The following LRRTM3 variants were observed in gnomAD, a reference collection of about 807,000 sequenced individuals.
LRRTM3 encodes leucine rich repeat transmembrane neuronal 3, also known as leucine-rich repeat transmembrane neuronal protein 3.
A neutral mutation model predicts 44.7 loss-of-function variants in LRRTM3; 24 were observed. The observed-to-expected ratio is 0.54, with a 90% CI of 0.39 to 0.76. The LOEUF (loss-of-function observed/expected upper bound fraction) is 0.76, where lower values mean the gene tolerates loss of function less well. Among genes scored for constraint, LRRTM3 ranks in the 30% least tolerant of loss-of-function variants. The pLI, the probability that LRRTM3 is intolerant of heterozygous loss-of-function variation, is 0.00. For missense variants in LRRTM3, 587 were observed against 702.2 expected, an observed-to-expected ratio of 0.84 and a Z score of 1.85; for synonymous variants, 277 against 278.7, an observed-to-expected ratio of 0.99 and a Z score of 0.06.
At chr10:67,079,596 TC>T (rs1429850518) in intron 2 of LRRTM3, among the ~76,000 whole-genome samples, 2 of 152,084 alleles carry the variant, frequency 1.3e-5, no homozygotes, top group Non-Finnish European at 2.9e-5. Context: ...ATGCCTGTAA[TC>T]CCAGCATGTT....
chr10:67,051,801 C>A (rs1402208526), intron 2 of LRRTM3, among the ~76,000 whole-genome samples: 1 of 151,068 alleles, frequency 6.6e-6, no homozygotes, highest in Non-Finnish European at 1.5e-5. Context: ...CTCTCCCAGG[C>A]TGGAGTGCAG....
intron 1 of LRRTM3, 84 bp from the exon 2 acceptor site, chr10:66,926,837 T>A (rs960372075): frequency 8.1e-7 from 1 of 1,236,468 alleles, no homozygotes; most frequent in East Asian, 2.6e-5. Context: ...TTTTTAAAAA[T>A]GAAAAATATA....
chr10:67,000,329 T>C (rs1398337202), intron 2 of LRRTM3, among the ~76,000 whole-genome samples: 1 of 152,202 alleles, frequency 6.6e-6, no homozygotes, highest in African/African-American at 2.4e-5. Flanking sequence ...GCCCTTACTC[T>C]TGCTGACCCA....
chr10:66,995,071 T>C (rs1851254853), intron 2 of LRRTM3, among the ~76,000 whole-genome samples: 1 of 152,174 alleles, frequency 6.6e-6, no homozygotes, highest in African/African-American at 2.4e-5. Context: ...TAGCCCAAGA[T>C]GTGTCAGTTG....
Position 67,003,119 on chromosome 10 carries a change from T to C in LRRTM3, c.1536+74667T>C, listed in dbSNP as rs533181732. Among the ~76,000 whole-genome samples, 13 of 152,320 alleles carry C rather than the reference T, an allele frequency of 8.5e-5. No homozygotes were observed. In the South Asian group the frequency reaches 1.5e-3, roughly 17 times the overall value. ...AACATAATTACAATGCCCCTTTCCA[T>C]TGAAATAATCTATGCATCCCGCCAC... is the stretch of plus-strand genomic sequence containing the variant. On this transcript the variant is annotated intron_variant, in intron 2 of 2. Transcript: ENST00000361320.
chr10:67,077,549 C>T (rs1009551692), intron 2 of LRRTM3, among the ~76,000 whole-genome samples: 2 of 152,086 alleles, frequency 1.3e-5, no homozygotes, highest in African/African-American at 2.4e-5. Flanking sequence ...AAGCATGCTT[C>T]CTCCCACTTT....
At chr10:66,997,568 A>G (rs1414242774) in intron 2 of LRRTM3, among the ~76,000 whole-genome samples, 1 of 152,154 alleles carries the variant, frequency 6.6e-6, no homozygotes, top group African/African-American at 2.4e-5. Flanking sequence ...ATATGTATTC[A>G]TGTAACTAAA....
At chr10:66,931,192 TAAAA>T in intron 2 of LRRTM3, among the ~76,000 whole-genome samples, 1 of 118,674 alleles carries the variant, frequency 8.4e-6, no homozygotes, top group African/African-American at 3.2e-5. Flanking sequence ...TGACAACAGT[TAAAA>T]AAAAAAAAAA....
chr10:67,024,938 C>A lies in LRRTM3; in HGVS notation c.1537-72649C>A, dbSNP rs529896500. 4.4e-4 allele frequency among the ~76,000 whole-genome samples: 67 copies of A among 152,068 alleles called. 1 individual carries two copies. The highest frequency in any genetic ancestry group is 1.5e-3 in the African/African-American group (62 of 41,470). ...CTGAGGTCCGGAGTTTGAGACCAGC[C>A]TGACCAACAAGAAGACACCCTGTCT... On this transcript the variant is annotated intron_variant, in intron 2 of 2. Coordinates refer to ENST00000361320, the MANE Select transcript of LRRTM3 (RefSeq NM_178011.5).
At chr10:67,021,055 T>C (rs1037751259) in intron 2 of LRRTM3, among the ~76,000 whole-genome samples, 5 of 152,182 alleles carry the variant, frequency 3.3e-5, no homozygotes, top group East Asian at 1.9e-4. Context: ...CTTCTCTTTG[T>C]TTCATTTTTG....
At chr10:66,977,343 G>A (rs1440061746) in intron 2 of LRRTM3, among the ~76,000 whole-genome samples, 1 of 151,954 alleles carries the variant, frequency 6.6e-6, no homozygotes, top group African/African-American at 2.4e-5. Flanking sequence ...GGCTGAGGCA[G>A]GAGGATTGCT....
chr10:67,009,198 C>T (rs1390859094), intron 2 of LRRTM3, among the ~76,000 whole-genome samples: 2 of 151,942 alleles, frequency 1.3e-5, no homozygotes, highest in East Asian at 3.9e-4. Flanking sequence ...AGGAATTTAT[C>T]TTCTACTATT....
chr10:67,033,201 G>A (rs1853839812), intron 2 of LRRTM3, among the ~76,000 whole-genome samples: 1 of 152,090 alleles, frequency 6.6e-6, no homozygotes. Context: ...TGAATTTTGA[G>A]CTATTTTGAA....
At chr10:66,993,120 C>A (rs1851131317) in intron 2 of LRRTM3, among the ~76,000 whole-genome samples, 1 of 152,108 alleles carries the variant, frequency 6.6e-6, no homozygotes, top group South Asian at 2.1e-4. Flanking sequence ...TAGCCTCATT[C>A]GCATGGTTGA....
chr10:67,012,442 C>T (rs748197928), intron 2 of LRRTM3: 6 of 152,118 alleles, frequency 3.9e-5, no homozygotes, highest in Non-Finnish European at 7.4e-5. Flanking sequence ...ATTGTTATAG[C>T]TCACAATTGT....
At chr10:66,960,669 T>C (rs1849059949) in intron 2 of LRRTM3, among the ~76,000 whole-genome samples, 1 of 152,192 alleles carries the variant, frequency 6.6e-6, no homozygotes, top group Non-Finnish European at 1.5e-5. Flanking sequence ...GGAAGGTTCA[T>C]TTAAATTTGC....
intron 2 of LRRTM3, among the ~76,000 whole-genome samples, chr10:66,991,996 T>G (rs749480166): frequency 1.8e-4 from 28 of 152,232 alleles, no homozygotes; most frequent in Middle Eastern, 3.4e-3. Flanking sequence ...AATCCCAGGG[T>G]TGATTTGATC....
chr10:66,938,225 A>AT (rs1440141234), intron 2 of LRRTM3, among the ~76,000 whole-genome samples: 1 of 152,074 alleles, frequency 6.6e-6, no homozygotes, highest in Admixed American at 6.6e-5. Flanking sequence ...CTCATTTACC[A>AT]TTTAACGGGC....
chr10:67,002,202 G>A (rs1284431530), intron 2 of LRRTM3, among the ~76,000 whole-genome samples: 1 of 152,054 alleles, frequency 6.6e-6, no homozygotes, highest in Non-Finnish European at 1.5e-5. Flanking sequence ...AAACAGAGTC[G>A]AATGGGAAGC....
Sources: allele counts gnomAD v4.1 joint callset (sites outside exome capture counted in the v4.1 genomes callset), GRCh38; gene constraint gnomAD v4.1.1; transcripts MANE v1.5; gene names NCBI Gene and HGNC (gene_info 2026-07-23, HGNC 2026-07-21).